The following HMGB1 variants were observed in gnomAD, a reference collection of about 807,000 sequenced individuals.
The protein encoded by HMGB1 is high mobility group box 1.
For synonymous variants in HMGB1, 81 were observed against 84.0 expected (o/e 0.96, Z 0.19); for missense variants, 79 against 253.5 (o/e 0.31, Z 4.67).
intron 1 of HMGB1, among the ~76,000 whole-genome samples, chr13:30,591,082 G>C (rs1871347891): frequency 6.8e-6 from 1 of 146,860 alleles, no homozygotes. Flanking sequence ...CCAGGCTGGA[G>C]TGCAATGGCA....
chr13:30,461,599 T>C lies in HMGB1; in HGVS notation c.472-66A>G, dbSNP rs1003452744. 2.5e-5 allele frequency: 39 copies of C among 1,572,616 alleles called. No homozygotes were observed. The African/African-American group carries it at 2.8e-4, about 11-fold the overall frequency. ...AAACATTAAGGAAAGAAATAGAACA[T>C]GGCAGAACTTTATGAAAGAAATCAA... On this transcript the variant is annotated intron_variant, in intron 4 of 4. Transcript: ENST00000341423.
At chr13:30,494,404 C>G (rs991193725) in intron 1 of HMGB1, among the ~76,000 whole-genome samples, 3 of 151,974 alleles carry the variant, frequency 2.0e-5, no homozygotes, top group African/African-American at 7.3e-5. Context: ...TCTTGTTGCC[C>G]AGGCTGGAGT....
At chr13:30,500,936 G>C (rs1205687171) in intron 1 of HMGB1, among the ~76,000 whole-genome samples, 1 of 151,844 alleles carries the variant, frequency 6.6e-6, no homozygotes, top group African/African-American at 2.4e-5. Context: ...GCCTCCCAAA[G>C]TGCTGGGATT....
At chr13:30,615,260 T>A (rs961597661) in intron 1 of HMGB1, among the ~76,000 whole-genome samples, 13 of 152,226 alleles carry the variant, frequency 8.5e-5, no homozygotes, top group Admixed American at 6.5e-5. Context: ...GTTACTTTTT[T>A]AAATATACAC....
chr13:30,571,651 T>C (rs1870441925), intron 1 of HMGB1, among the ~76,000 whole-genome samples: 1 of 152,162 alleles, frequency 6.6e-6, no homozygotes, highest in South Asian at 2.1e-4. Context: ...CTACTTTTAA[T>C]AGCTGGCATA....
In HMGB1 at chr13:30,573,800, G is replaced by A. The variant is rs553058832; in HGVS notation, c.-15+42871C>T. Among the ~76,000 whole-genome samples the A allele has an allele frequency of 5.9e-5, 9 of 152,144 alleles. No homozygotes were observed. In the South Asian group the frequency reaches 1.0e-3, roughly 18 times the overall value. ...CAAGTAGCAGGGACTACAGGCATGC[G>A]CCAACACGTCCAGCTAATTTTTTTG... On this transcript the variant is annotated intron_variant, in intron 1 of 4. Transcript: ENST00000405805.
chr13:30,538,645 TTC>T (rs1178202565), intron 1 of HMGB1, among the ~76,000 whole-genome samples: 2 of 71,916 alleles, frequency 2.8e-5, no homozygotes, highest in Non-Finnish European at 4.8e-5. Context: ...CTTTCTTCCT[TTC>T]TTTCTTTCTT....
chr13:30,518,240 G>T (rs559311140), intron 1 of HMGB1, among the ~76,000 whole-genome samples: 2 of 152,184 alleles, frequency 1.3e-5, no homozygotes, highest in Non-Finnish European at 2.9e-5. Context: ...GAGATGCCAA[G>T]GTAGGAAGGT....
At chr13:30,463,450 A>G in intron 2 of HMGB1, 81 bp downstream of exon 2, 1 of 1,539,248 alleles carries the variant, frequency 6.5e-7, no homozygotes, top group East Asian at 2.3e-5. Context: ...CACTACGAGA[A>G]TGCCAACTAG....
chr13:30,464,859 G>A (rs1304655672), intron 1 of HMGB1: 1 of 150,324 alleles, frequency 6.7e-6, no homozygotes, highest in African/African-American at 2.5e-5. Flanking sequence ...CCGCGCTCTG[G>A]CGCACACACT....
intron 1 of HMGB1, among the ~76,000 whole-genome samples, chr13:30,472,517 C>T (rs1032993188): frequency 6.6e-6 from 1 of 152,200 alleles, no homozygotes; most frequent in Admixed American, 6.5e-5. Context: ...ATGAGAATCG[C>T]TTGAACCTGG....
chr13:30,569,549 C>A (rs531968548), intron 1 of HMGB1, among the ~76,000 whole-genome samples: 15 of 152,196 alleles, frequency 9.9e-5, no homozygotes, highest in Admixed American at 2.6e-4. Flanking sequence ...GGGAGGTAGG[C>A]ATTATCCCCA....
intron 1 of HMGB1, among the ~76,000 whole-genome samples, chr13:30,529,811 A>T (rs1048413336): frequency 2.8e-4 from 43 of 152,190 alleles, no homozygotes; most frequent in African/African-American, 9.4e-4. Context: ...CCACTATCCA[A>T]TCTGTCTCCC....
chr13:30,539,384 T>C (rs565490971), intron 1 of HMGB1, among the ~76,000 whole-genome samples: 10 of 152,346 alleles, frequency 6.6e-5, no homozygotes, highest in Middle Eastern at 3.4e-3. Context: ...TGTAACCAGA[T>C]GTGGCCTCGG....
At chr13:30,570,603 A>G (rs1274443818) in intron 1 of HMGB1, among the ~76,000 whole-genome samples, 2 of 152,156 alleles carry the variant, frequency 1.3e-5, no homozygotes, top group Non-Finnish European at 2.9e-5. Flanking sequence ...TACATGGTAC[A>G]CTTCTGATTT....
At chr13:30,543,871 T>A (rs74758111) in intron 1 of HMGB1, among the ~76,000 whole-genome samples, 1 of 152,218 alleles carries the variant, frequency 6.6e-6, no homozygotes, top group African/African-American at 2.4e-5. Context: ...TTAGCAGTTT[T>A]TCCTTCAATC....
chr13:30,519,508 A>C (rs1483624141), intron 1 of HMGB1, among the ~76,000 whole-genome samples: 4 of 149,912 alleles, frequency 2.7e-5, no homozygotes, highest in Non-Finnish European at 4.4e-5. Flanking sequence ...ATCCCGGCTA[A>C]CACAGTGAAA....
intron 1 of HMGB1, among the ~76,000 whole-genome samples, chr13:30,497,341 C>T (rs556644085): frequency 4.6e-5 from 7 of 152,300 alleles, no homozygotes; most frequent in African/African-American, 1.7e-4. Context: ...ATTCTCCTGC[C>T]TCAGCCTCCC....
chr13:30,526,899 T>C (rs370498444), intron 1 of HMGB1, among the ~76,000 whole-genome samples: 7 of 152,378 alleles, frequency 4.6e-5, no homozygotes, highest in African/African-American at 1.7e-4. Context: ...TTGTCTCAGA[T>C]CACAATCAGC....
Sources: gnomAD v4.1 joint callset for allele counts (sites outside exome capture counted in the v4.1 genomes callset) on GRCh38, gnomAD v4.1.1 for gene constraint, MANE v1.5 for transcripts, NCBI Gene and HGNC (gene_info 2026-07-23, HGNC 2026-07-21) for gene names.